SLC22A23: variants seen among roughly 807,000 people sequenced by gnomAD.
SLC22A23 encodes the protein ion transporter protein.
Under a neutral mutation model 61.0 loss-of-function variants are expected in SLC22A23, and 26 were observed. The observed-to-expected ratio is 0.43, with a 90% confidence interval of 0.31 to 0.59. The LOEUF is 0.59. Ranked by LOEUF, SLC22A23 falls within the 20% of genes least tolerant of loss-of-function variation. SLC22A23 has a pLI of 0.11. For missense variants in SLC22A23, 796 were observed against 934.7 expected (o/e 0.85, Z 1.94); for synonymous variants, 430 against 413.9 (o/e 1.04, Z -0.47).
intron 9 of SLC22A23, among the ~76,000 whole-genome samples, chr6:3,282,887 C>T (rs960792790): frequency 3.9e-5 from 6 of 152,148 alleles, no homozygotes; most frequent in Admixed American, 6.5e-5. Flanking sequence ...GGGGCAGAGA[C>T]GGCACCAGGA....
intron 3 of SLC22A23, among the ~76,000 whole-genome samples, chr6:3,346,760 G>A (rs1376583777): frequency 6.6e-6 from 1 of 152,110 alleles, no homozygotes; most frequent in African/African-American, 2.4e-5. Flanking sequence ...TCCCTGTCAT[G>A]CCTTTGCTCA....
intron 4 of SLC22A23, among the ~76,000 whole-genome samples, chr6:3,313,978 G>A (rs893782111): frequency 2.0e-5 from 3 of 152,180 alleles, no homozygotes; most frequent in Admixed American, 2.0e-4. Context: ...GTAGTGAGCC[G>A]AGATTGTGCC....
At chr6:3,283,671 A>C (rs1759689887) in intron 9 of SLC22A23, 181 bp downstream of exon 9, 1 of 990,846 alleles carries the variant, frequency 1.0e-6, no homozygotes, top group African/African-American at 1.6e-5. Flanking sequence ...CCAGGTTCTC[A>C]CTGCCTCTTG....
chr6:3,330,394 C>T lies in SLC22A23; in HGVS notation c.914-6392G>A, dbSNP rs1763519714. 6.6e-6 allele frequency among the ~76,000 whole-genome samples: 1 copy of T among 152,186 alleles called. No individual in the cohort carries two copies. The highest frequency in any genetic ancestry group is 2.4e-5 in the African/African-American group (1 of 41,450). Reference sequence around the variant, plus strand: ...GACAGCCCCATCATCCTGGACTGCGCCCCTCCCTGGCAAAGTGGAGAACTG... The same window carrying T: ...GACAGCCCCATCATCCTGGACTGCGTCCCTCCCTGGCAAAGTGGAGAACTG... On this transcript the variant is annotated intron_variant, in intron 3 of 9. Coordinates refer to ENST00000406686, the MANE Select transcript of SLC22A23 (RefSeq NM_015482.2). The surrounding 1 kb of genome is among the most constrained non-coding windows in gnomAD (Gnocchi z 4.7).
chr6:3,341,397 G>T (rs1561910222), intron 3 of SLC22A23, among the ~76,000 whole-genome samples: 1 of 152,214 alleles, frequency 6.6e-6, no homozygotes, highest in African/African-American at 2.4e-5. Flanking sequence ...GGACACACCT[G>T]AAACTTTTTA....
chr6:3,331,565 A>G lies in SLC22A23; in HGVS notation c.914-7563T>C, dbSNP rs577751784. On this transcript the variant is annotated intron_variant, in intron 3 of 9. Transcript: ENST00000406686. The stretch of plus-strand genomic sequence containing the variant: ...GTGGATAATAATTTGAGGAAAATCA[A>G]CCATAAAACCAAACATGAGCCACAG... Among the ~76,000 whole-genome samples the G allele has an allele frequency of 3.2e-4, 48 of 152,326 alleles. 1 individual carries two copies. In the South Asian group the frequency reaches 1.0e-2, roughly 32 times the overall value.
At chr6:3,442,741 T>A (rs1361408764) in intron 1 of SLC22A23, among the ~76,000 whole-genome samples, 1 of 152,136 alleles carries the variant, frequency 6.6e-6, no homozygotes, top group Non-Finnish European at 1.5e-5. Flanking sequence ...TTAAAATGAT[T>A]CTAAGAAATA....
At chr6:3,375,496 C>T (rs1453463909) in intron 3 of SLC22A23, among the ~76,000 whole-genome samples, 1 of 152,190 alleles carries the variant, frequency 6.6e-6, no homozygotes, top group Non-Finnish European at 1.5e-5. Context: ...AGCTTTATTG[C>T]CAGAATCAAT....
In SLC22A23 at chr6:3,272,393, C is replaced by G. The variant is rs555739247; in HGVS notation, c.*662G>C. 6.5e-6 allele frequency: 1 copy of G among 152,864 alleles called. No homozygotes were observed. The highest frequency in any genetic ancestry group is 6.5e-5 in the Admixed American group (1 of 15,300). The allele number at this position is 152,864 out of a possible 1,614,324, so 9.5% of individuals were successfully genotyped here. ...GTTTAAGCTTTTTCTCCAAGAGCTT[C>G]CAGCATCAAGTACAAAAGGATGATC... On this transcript the variant is annotated 3_prime_UTR_variant, in exon 10 of 10. Transcript: ENST00000406686.
chr6:3,391,421 T>A (rs1034110675), intron 3 of SLC22A23, among the ~76,000 whole-genome samples: 6 of 152,252 alleles, frequency 3.9e-5, no homozygotes, highest in African/African-American at 1.4e-4. Context: ...TATGTGGGAA[T>A]TGGACTAAAA....
intron 3 of SLC22A23, among the ~76,000 whole-genome samples, chr6:3,366,332 C>CAAAAAAAAAAAAAAAAAAAA (rs11387672): frequency 1.2e-4 from 9 of 74,160 alleles, no homozygotes; most frequent in East Asian, 7.2e-4. Flanking sequence ...GACTCTGTCT[C>CAAAAAAAAAAAAAAAAAAAA]AAAAAAAAAA....
chr6:3,412,468 C>T (rs759203738), intron 2 of SLC22A23, among the ~76,000 whole-genome samples: 7 of 152,148 alleles, frequency 4.6e-5, no homozygotes, highest in South Asian at 4.1e-4. Flanking sequence ...CTTCAGCAAG[C>T]GTTCAATACA....
At chr6:3,432,277 C>T (rs1770918096) in intron 1 of SLC22A23, 2 of 985,342 alleles carry the variant, frequency 2.0e-6, no homozygotes, top group Admixed American at 6.1e-5. Flanking sequence ...TGAGTGAACG[C>T]TGGCTCCTTC....
At chr6:3,279,955 G>A (rs1581591279) in intron 9 of SLC22A23, among the ~76,000 whole-genome samples, 1 of 152,160 alleles carries the variant, frequency 6.6e-6, no homozygotes, top group East Asian at 1.9e-4. Flanking sequence ...AAGGATTCCA[G>A]AATCAAATTG....
Position 3,330,028 on chromosome 6 carries a change from C to A in SLC22A23, c.914-6026G>T, listed in dbSNP as rs1313321205. 6.6e-6 allele frequency among the ~76,000 whole-genome samples: 1 copy of A among 152,324 alleles called. No individual in the cohort carries two copies. Among genetic ancestry groups the A allele is most frequent in the African/African-American group, 2.4e-5 (1 of 41,574 alleles). ...ATCCTCTCCCAAGGGGAAGCCTCTG[C>A]GAAGGCCGACTGGGCCACTAGGACA... On this transcript the variant is annotated intron_variant, in intron 3 of 9. Coordinates refer to ENST00000406686, the MANE Select transcript of SLC22A23 (RefSeq NM_015482.2). The surrounding 1 kb of genome is among the most constrained non-coding windows in gnomAD (Gnocchi z 4.7).
At chr6:3,277,148 T>G (rs1758986387) in intron 9 of SLC22A23, among the ~76,000 whole-genome samples, 1 of 152,024 alleles carries the variant, frequency 6.6e-6, no homozygotes, top group Non-Finnish European at 1.5e-5. Context: ...GGCAGCTGGG[T>G]GTAGGAGGAA....
chr6:3,350,397 A>G (rs1336726521), intron 3 of SLC22A23, among the ~76,000 whole-genome samples: 2 of 152,240 alleles, frequency 1.3e-5, no homozygotes, highest in Non-Finnish European at 2.9e-5. Context: ...ATGGTTCAAG[A>G]CAACCAAAAG....
intron 3 of SLC22A23, among the ~76,000 whole-genome samples, chr6:3,392,878 C>A (rs1767756374): frequency 6.6e-6 from 1 of 152,142 alleles, no homozygotes; most frequent in Non-Finnish European, 1.5e-5. Context: ...GCAGGGAGGT[C>A]AGAGTTGGTG....
chr6:3,289,722 G>T, intron 6 of SLC22A23, 42 bp downstream of exon 6: 3 of 1,541,008 alleles, frequency 1.9e-6, no homozygotes, highest in Non-Finnish European at 2.7e-6. Flanking sequence ...CTTCTTCCCT[G>T]GCCCCCTCCC....
Sources: allele counts gnomAD v4.1 joint callset (sites outside exome capture counted in the v4.1 genomes callset), GRCh38; gene constraint gnomAD v4.1.1; non-coding constraint Gnocchi (gnomAD v3.1); transcripts MANE v1.5; gene names NCBI Gene and HGNC (gene_info 2026-07-23, HGNC 2026-07-21).